The following PTPN12 variants were observed in gnomAD, a reference collection of about 807,000 sequenced individuals.
PTPN12 encodes protein tyrosine phosphatase non-receptor type 12, also known as tyrosine-protein phosphatase non-receptor type 12.
PTPN12 carries 29 observed loss-of-function variants against 97.6 expected under a neutral mutation model. The observed-to-expected ratio is 0.30, with a 90% CI of 0.22 to 0.41. The LOEUF is 0.41. Ranked by LOEUF, PTPN12 falls within the 10% of genes least tolerant of loss-of-function variation. The pLI is 1.00. For synonymous variants in PTPN12, 327 were observed against 300.4 expected (o/e 1.09, Z -0.91); for missense variants, 819 against 926.0 (o/e 0.88, Z 1.50).
chr7:77,542,824 T>A (rs1378066668), intron 1 of PTPN12, among the ~76,000 whole-genome samples: 2 of 152,148 alleles, frequency 1.3e-5, no homozygotes, highest in African/African-American at 4.8e-5. Flanking sequence ...CTCTGAGACA[T>A]CCAGTAGAAA....
chr7:77,592,371 C>A, intron 6 of PTPN12, 115 bp downstream of exon 6: 2 of 849,070 alleles, frequency 2.4e-6, no homozygotes, highest in Non-Finnish European at 3.5e-6. Context: ...GACTCACAAA[C>A]CTATGCTTAC....
intron 15 of PTPN12, among the ~76,000 whole-genome samples, chr7:77,636,423 A>G (rs983019615): frequency 2.0e-5 from 3 of 152,038 alleles, no homozygotes; most frequent in African/African-American, 7.2e-5. Context: ...CTCTACAAAA[A>G]TTTTTAAAAT....
At chr7:77,619,171 G>A (rs1788850546) in intron 12 of PTPN12, among the ~76,000 whole-genome samples, 1 of 152,098 alleles carries the variant, frequency 6.6e-6, no homozygotes, top group Admixed American at 6.6e-5. Flanking sequence ...ATCCTGGGGA[G>A]AAGGAGTTGT....
rs760808028 is a variant in PTPN12 at position 77,592,148 on chromosome 7, C to G, written c.421-37C>G. 3.9e-6 allele frequency: 6 copies of G among 1,530,448 alleles called. No homozygotes were observed. In the South Asian group the frequency reaches 7.0e-5, roughly 18 times the overall value. The allele number at this position is 1,530,448 out of a possible 1,614,324, so 94.8% of individuals were successfully genotyped here. A position where few individuals can be genotyped will look rare whatever the true frequency, so the allele number is the denominator to read the frequency against. ...TTTATAACAGTTTAAGAAAAACTTA[C>G]ATGAATTACTTACTAATTTTTTTTT... On this transcript the variant is annotated intron_variant, in intron 5 of 17. Transcript: ENST00000248594.
intron 7 of PTPN12, among the ~76,000 whole-genome samples, chr7:77,599,613 C>T (rs1342994763): frequency 6.6e-6 from 1 of 152,084 alleles, no homozygotes; most frequent in Non-Finnish European, 1.5e-5. Context: ...ATTTTTTAAT[C>T]TACGGTAATA....
chr7:77,634,191 C>T (rs1460424854), intron 14 of PTPN12, among the ~76,000 whole-genome samples: 4 of 151,312 alleles, frequency 2.6e-5, no homozygotes, highest in African/African-American at 4.9e-5. Context: ...AGTGAGACCC[C>T]GTCTGTGGAA....
chr7:77,625,468 G>GCT lies in PTPN12; in HGVS notation c.1026-1235_1026-1234dup, dbSNP rs139289279. ...AGGGTTTTGCCATATTGCCCAGGCT[G>GCT]CTCGCTCTCTCTCTCTCTCTCTCTC... is the stretch of plus-strand genomic sequence containing the variant. On this transcript the variant is annotated intron_variant, in intron 12 of 17. Coordinates refer to ENST00000248594, the MANE Select transcript of PTPN12 (RefSeq NM_002835.4). Among the ~76,000 whole-genome samples, 199 of 24,730 alleles carry GCT rather than the reference G, an allele frequency of 8.0e-3. 19 individuals are homozygous for GCT. The highest frequency in any genetic ancestry group is 0.019 in the African/African-American group (77 of 4,048). The allele number at this position is 24,730 out of a possible 152,430, so 16.2% of individuals were successfully genotyped here. A position where few individuals can be genotyped will look rare whatever the true frequency, so the allele number is the denominator to read the frequency against.
At chr7:77,608,362 TTAC>T (rs1163272044) in intron 9 of PTPN12, among the ~76,000 whole-genome samples, 1 of 152,244 alleles carries the variant, frequency 6.6e-6, no homozygotes, top group Non-Finnish European at 1.5e-5. Context: ...TTAGTGTTGA[TTAC>T]TGTTGCTGTT....
intron 2 of PTPN12, among the ~76,000 whole-genome samples, chr7:77,580,875 A>C (rs1408160237): frequency 1.3e-5 from 2 of 152,210 alleles, no homozygotes; most frequent in African/African-American, 4.8e-5. Context: ...GTTAGTATTC[A>C]TCAGCCACTT....
chr7:77,628,151 C>T (rs1173512349), intron 13 of PTPN12, among the ~76,000 whole-genome samples: 2 of 152,092 alleles, frequency 1.3e-5, no homozygotes, highest in Non-Finnish European at 2.9e-5. Context: ...TTTTTACTGT[C>T]TTCACAAATG....
At chr7:77,557,520 T>C (rs2151305452) in intron 1 of PTPN12, among the ~76,000 whole-genome samples, 1 of 152,342 alleles carries the variant, frequency 6.6e-6, no homozygotes, top group African/African-American at 2.4e-5. Flanking sequence ...TAAGATTGAG[T>C]GACAGATTTT....
Position 77,537,605 on chromosome 7 carries a change from C to T in PTPN12, c.59C>T (p.Pro20Leu). ...CAGAGGGTCCAGGCCATGAAGAGTC[C>T]TGACCACAATGGGGAGGACAACTTC... is the stretch of plus-strand genomic sequence containing the variant. ...FIQRVQAMKS[P>L]DHNGEDNFAR... The change falls in exon 1 of 18, where the codon CCT becomes CTT. Residue 20 changes from proline (P) to leucine (L), a missense_variant. Coordinates refer to ENST00000248594, the MANE Select transcript of PTPN12 (RefSeq NM_002835.4). 1 of 1,605,804 alleles carries T rather than the reference C, an allele frequency of 6.2e-7. No homozygotes were observed. Among genetic ancestry groups the T allele is most frequent in the East Asian group, 2.3e-5 (1 of 43,998 alleles).
chr7:77,632,311 A>T (rs1236176451), intron 13 of PTPN12, 37 bp from the exon 14 acceptor site: 1 of 1,386,108 alleles, frequency 7.2e-7, no homozygotes, highest in African/African-American at 1.4e-5. Flanking sequence ...TTTAGATGAC[A>T]TGTTAATTTG....
intron 2 of PTPN12, among the ~76,000 whole-genome samples, chr7:77,578,711 T>C (rs1193505548): frequency 6.6e-6 from 1 of 152,202 alleles, no homozygotes; most frequent in Non-Finnish European, 1.5e-5. Context: ...TTACTGCCTT[T>C]GATACTCATT....
In PTPN12 at chr7:77,588,084, T is replaced by G. The variant is rs1582303; in HGVS notation, c.420+2503T>G. ...ATAAGGCTGTTTGACCTACTTAATT[T>G]TTGTGTGTTTCCTGGAGTAGCTCTT... On this transcript the variant is annotated intron_variant, in intron 5 of 17. Transcript: ENST00000248594. Among the ~76,000 whole-genome samples, 186 of 152,288 alleles carry G rather than the reference T, an allele frequency of 1.2e-3. 1 individual carries two copies. Among genetic ancestry groups the G allele is most frequent in the African/African-American group, 4.0e-3 (168 of 41,558 alleles).
At chr7:77,594,305 A>G (rs1291026999) in intron 6 of PTPN12, among the ~76,000 whole-genome samples, 1 of 152,098 alleles carries the variant, frequency 6.6e-6, no homozygotes, top group African/African-American at 2.4e-5. Flanking sequence ...ACATTTTTAA[A>G]AACGTTAAAA....
intron 1 of PTPN12, among the ~76,000 whole-genome samples, chr7:77,557,759 T>C (rs1042026253): frequency 2.0e-5 from 3 of 152,072 alleles, no homozygotes; most frequent in African/African-American, 7.2e-5. Flanking sequence ...GCGTATGGTA[T>C]GATAATTACC....
intron 1 of PTPN12, among the ~76,000 whole-genome samples, chr7:77,563,476 ATGAT>A (rs1275525028): frequency 6.6e-6 from 1 of 152,206 alleles, no homozygotes; most frequent in Non-Finnish European, 1.5e-5. Flanking sequence ...GAGGAAGTGG[ATGAT>A]GGGCCTGTAT....
At chr7:77,568,439 A>G (rs1808344595) in intron 1 of PTPN12, among the ~76,000 whole-genome samples, 2 of 152,216 alleles carry the variant, frequency 1.3e-5, no homozygotes, top group Admixed American at 1.3e-4. Flanking sequence ...GTTCGAGACC[A>G]GCCTCCGCAA....
Sources: gnomAD v4.1 joint callset for allele counts (sites outside exome capture counted in the v4.1 genomes callset) on GRCh38, gnomAD v4.1.1 for gene constraint, MANE v1.5 for transcripts, NCBI Gene and HGNC (gene_info 2026-07-23, HGNC 2026-07-21) for gene names.